PHC3: variants seen among roughly 807,000 people sequenced by gnomAD.
PHC3 encodes the protein polyhomeotic homolog 3, also known as polyhomeotic-like protein 3.
Under a neutral mutation model 107.4 loss-of-function variants are expected in PHC3, and 13 were observed. That is an observed-to-expected ratio of 0.12 (90% CI 0.08 to 0.19). The LOEUF is 0.19. PHC3 is among the 10% of genes least tolerant of loss of function. The probability of loss-of-function intolerance (pLI) is 1.00; values close to 1 mark genes in which losing one functional copy is unlikely to be tolerated. For missense variants in PHC3, 992 were observed against 1,210.9 expected, an observed-to-expected ratio of 0.82 and a Z score of 2.68; for synonymous variants, 456 against 427.4, an observed-to-expected ratio of 1.07 and a Z score of -0.83.
At chr3:170,101,170 C>T (rs1368593931) in intron 14 of PHC3, among the ~76,000 whole-genome samples, 2 of 152,168 alleles carry the variant, frequency 1.3e-5, no homozygotes, top group Admixed American at 6.6e-5. Flanking sequence ...TCTAAGTTTT[C>T]GTGGGCACAT....
At position 170,135,570 on chromosome 3, in the gene PHC3, T is replaced by G. The variant is rs117017801; in HGVS notation, c.919+849A>C. Among the ~76,000 whole-genome samples, 213 of 151,764 alleles carry G rather than the reference T, an allele frequency of 1.4e-3. 4 individuals carry two copies. The East Asian group carries it at 0.039, about 28-fold the overall frequency. On this transcript the variant is annotated intron_variant, in intron 7 of 14. Transcript: ENST00000495893. ...GATTTAGAAAACTATGCAGCTACAT[T>G]AAGAATAAGGGAGACCTAATTATGG...
chr3:170,146,335 A>G (rs1724933966), intron 5 of PHC3, among the ~76,000 whole-genome samples: 2 of 151,264 alleles, frequency 1.3e-5, no homozygotes, highest in Admixed American at 6.6e-5. Context: ...AGATCATGCC[A>G]CTGAACTCCA....
intron 11 of PHC3, among the ~76,000 whole-genome samples, chr3:170,108,225 T>A (rs909407958): frequency 3.9e-5 from 6 of 152,174 alleles, no homozygotes; most frequent in Admixed American, 3.9e-4. Context: ...GAACTCCATA[T>A]GTGTGCTCTT....
intron 11 of PHC3, among the ~76,000 whole-genome samples, chr3:170,110,386 C>G (rs559565621): frequency 6.6e-6 from 1 of 152,138 alleles, no homozygotes; most frequent in Non-Finnish European, 1.5e-5. Flanking sequence ...TGCCCTCTCT[C>G]GAAGTTACCT....
intron 7 of PHC3, among the ~76,000 whole-genome samples, chr3:170,135,631 T>A (rs1722951686): frequency 1.3e-5 from 2 of 149,630 alleles, no homozygotes; most frequent in Non-Finnish European, 3.0e-5. Context: ...CATGAGAAGA[T>A]AAAAGACGCT....
chr3:170,135,335 G>A (rs1470700120), intron 7 of PHC3, among the ~76,000 whole-genome samples: 2 of 152,034 alleles, frequency 1.3e-5, no homozygotes, highest in African/African-American at 4.8e-5. Flanking sequence ...ATTTTTAGTA[G>A]AGATGGGTTT....
chr3:170,105,894 G>A (rs1716405804), intron 12 of PHC3, among the ~76,000 whole-genome samples: 1 of 152,158 alleles, frequency 6.6e-6, no homozygotes, highest in Non-Finnish European at 1.5e-5. Flanking sequence ...TTAATGAAGA[G>A]ACTAAACATT....
chr3:170,130,348 T>C (rs1309030203), intron 7 of PHC3, among the ~76,000 whole-genome samples: 2 of 152,184 alleles, frequency 1.3e-5, no homozygotes, highest in African/African-American at 2.4e-5. Context: ...GGGTAATTAC[T>C]TATAAAGCTT....
chr3:170,172,703 G>T lies in PHC3; in HGVS notation c.190C>A (p.Gln64Lys). ...SDRHAVQVIQ[Q>K]ALHRPPSSAA... is the part of the protein sequence containing the mutation. ...GAGCTGGGGGGCCGATGCAATGCCTGTTGAATTACCTGTGATAAGTCAATT... is the reference window on the plus strand; with the variant it reads ...GAGCTGGGGGGCCGATGCAATGCCTTTTGAATTACCTGTGATAAGTCAATT... Residue 64 changes from glutamine to lysine, a missense_variant, in exon 3 of 15, where the codon CAG (glutamine) becomes AAG (lysine). By Grantham distance (53) the Gln-to-Lys change is moderately conservative. Coordinates refer to ENST00000495893, the MANE Select transcript of PHC3 (RefSeq NM_024947.4). 6.2e-7 allele frequency: 1 copy of T among 1,603,882 alleles called. No homozygotes were observed. Among genetic ancestry groups the T allele is most frequent in the Non-Finnish European group, 8.5e-7 (1 of 1,173,330 alleles).
chr3:170,163,511 C>T (rs1176490514), intron 4 of PHC3, among the ~76,000 whole-genome samples: 3 of 148,406 alleles, frequency 2.0e-5, no homozygotes, highest in African/African-American at 7.6e-5. Context: ...TGTGATGGCA[C>T]TGTCCTCACA....
At chr3:170,156,892 G>A (rs559207523) in intron 4 of PHC3, among the ~76,000 whole-genome samples, 1 of 152,316 alleles carries the variant, frequency 6.6e-6, no homozygotes, top group South Asian at 2.1e-4. Flanking sequence ...ACCGTACCCT[G>A]CTGAGACTAC....
chr3:170,169,146 T>C (rs923428206), intron 4 of PHC3, among the ~76,000 whole-genome samples: 1 of 152,166 alleles, frequency 6.6e-6, no homozygotes, highest in East Asian at 1.9e-4. Flanking sequence ...TTCCCCCAGG[T>C]GGTATGACTG....
intron 1 of PHC3, among the ~76,000 whole-genome samples, chr3:170,179,646 CAT>C (rs1731068503): frequency 6.6e-6 from 1 of 152,170 alleles, no homozygotes; most frequent in Admixed American, 6.5e-5. Flanking sequence ...ATTTTGAAAA[CAT>C]AAATTATGTC....
At chr3:170,159,933 G>C (rs1433975270) in intron 4 of PHC3, among the ~76,000 whole-genome samples, 2 of 152,122 alleles carry the variant, frequency 1.3e-5, no homozygotes, top group African/African-American at 4.8e-5. Context: ...ATTATAAAAA[G>C]AGGTAATTTT....
intron 6 of PHC3, among the ~76,000 whole-genome samples, chr3:170,144,430 A>C (rs892083820): frequency 6.6e-6 from 1 of 151,772 alleles, no homozygotes; most frequent in African/African-American, 2.4e-5. Context: ...GGCTATTCTG[A>C]GTACCGCTGC....
intron 8 of PHC3, among the ~76,000 whole-genome samples, chr3:170,126,528 A>ATATATATATATATATATATT (rs370421296): frequency 2.2e-5 from 2 of 90,636 alleles, no homozygotes; most frequent in African/African-American, 9.0e-5. Flanking sequence ...ATATATATAT[A>ATATATATATATATATATATT]TTTTTTTTTT....
rs1258977680 is a variant in PHC3 at position 170,102,504 on chromosome 3, G to C, written c.2808C>G (p.Val936=). 4 of 1,613,610 alleles carry C rather than the reference G, an allele frequency of 2.5e-6. No individual in the cohort carries two copies. ...TEPSIWTVDD[V]WAFIHSLPGC... ...CAGGCAAAGAATGGATGAAGGCCCA[G>C]ACATCATCAACTGTCCATATAGATG... is the stretch of plus-strand genomic sequence containing the variant. Residue 936 remains valine, a synonymous_variant, in exon 14 of 15, where the codon GTC becomes GTG. Coordinates refer to ENST00000495893, the MANE Select transcript of PHC3 (RefSeq NM_024947.4).
intron 4 of PHC3, among the ~76,000 whole-genome samples, chr3:170,163,883 A>AAAAAGGCAGGCAGGCAGGCAGGCAGGC (rs1560119144): frequency 2.4e-4 from 34 of 141,446 alleles, no homozygotes; most frequent in African/African-American, 9.1e-4. Flanking sequence ...AAAAAAAAAA[A>AAAAAGGCAGGCAGGCAGGCAGGCAGGC]AGGCAGGCAG....
chr3:170,087,698 C>T lies in PHC3; in HGVS notation c.*9532G>A, dbSNP rs2108208351. 1 of 152,238 alleles carries T rather than the reference C, an allele frequency of 6.6e-6. No homozygotes were observed. Among genetic ancestry groups the T allele is most frequent in the South Asian group, 2.1e-4 (1 of 4,816 alleles). 9.4% of individuals were successfully genotyped at this position (152,238 alleles called of 1,614,324 possible). On this transcript the variant is annotated 3_prime_UTR_variant, in exon 15 of 15. Transcript: ENST00000495893. ...TCCTGTAGGCCCACTAATCTTCCAT[C>T]CAGACCCACATGAAGCAATGTTACA...
Sources: allele counts gnomAD v4.1 joint callset (sites outside exome capture counted in the v4.1 genomes callset), GRCh38; gene constraint gnomAD v4.1.1; transcripts MANE v1.5; gene names NCBI Gene and HGNC (gene_info 2026-07-23, HGNC 2026-07-21).